Variants in CFAP47 observed in about 807,000 individuals in gnomAD.
CFAP47 encodes cilia and flagella associated protein 47.
CFAP47 carries 29 observed loss-of-function variants against 148.1 expected under a neutral mutation model. The ratio of observed to expected loss-of-function variants is 0.20; its 90% CI spans 0.15 to 0.27. The LOEUF is 0.27. CFAP47 is among the 10% of genes least tolerant of loss of function. The pLI is 1.00. For synonymous variants in CFAP47, 664 were observed against 577.3 expected (o/e 1.15, Z -2.15); for missense variants, 1,872 against 1,697.5 (o/e 1.10, Z -1.81).
At chrX:35,962,218 A>AC in intron 8 of CFAP47, among the ~76,000 whole-genome samples, 1 of 112,074 alleles carries the variant, frequency 8.9e-6, no homozygotes, top group African/African-American at 3.2e-5. Context: ...ATTGAGGCTT[A>AC]TTTCACAGAC....
At chrX:36,250,279 G>T (rs1940675431) in intron 48 of CFAP47, among the ~76,000 whole-genome samples, 1 of 111,188 alleles carries the variant, frequency 9.0e-6, no homozygotes, top group Admixed American at 9.6e-5. Context: ...GAACCTGGAA[G>T]CCATTATGTT....
chrX:36,111,267 G>T (rs1193631740), intron 33 of CFAP47, among the ~76,000 whole-genome samples: 2 of 111,524 alleles, frequency 1.8e-5, no homozygotes, highest in East Asian at 2.8e-4. Context: ...CTATTTTGAG[G>T]TATGTTCCTT....
chrX:36,205,940 G>T (rs1555988739), intron 45 of CFAP47, among the ~76,000 whole-genome samples: 1 of 111,415 alleles, frequency 9.0e-6, no homozygotes, highest in African/African-American at 3.3e-5. Flanking sequence ...CAAAATATTT[G>T]TAAGCCTGAA....
chrX:35,958,980 G>A (rs1033047187), intron 8 of CFAP47, among the ~76,000 whole-genome samples: 6 of 111,658 alleles, frequency 5.4e-5, no homozygotes, highest in African/African-American at 2.0e-4. Flanking sequence ...GAAGGTGGAA[G>A]GGGGTGGGGT....
chrX:35,958,284 GGGACATTTGGGTTGT>G (rs1287894233), intron 8 of CFAP47, among the ~76,000 whole-genome samples: 3 of 111,437 alleles, frequency 2.7e-5, no homozygotes, highest in Non-Finnish European at 5.7e-5. Context: ...CATCAATTGA[GGGACATTTGGGTTGT>G]TTCCACCTTT....
intron 2 of CFAP47, among the ~76,000 whole-genome samples, chrX:35,933,788 C>G (rs1935868005): frequency 8.9e-6 from 1 of 111,875 alleles, no homozygotes; most frequent in South Asian, 3.7e-4. Flanking sequence ...GATGATATCT[C>G]ATTGTAGTTT....
intron 42 of CFAP47, among the ~76,000 whole-genome samples, chrX:36,193,231 G>T (rs2146877233): frequency 9.0e-6 from 1 of 111,617 alleles, no homozygotes; most frequent in South Asian, 3.7e-4. Flanking sequence ...CAATTATAAT[G>T]AATGTTTATA....
chrX:36,115,974 C>T (rs1371883452), intron 33 of CFAP47, among the ~76,000 whole-genome samples: 1 of 112,099 alleles, frequency 8.9e-6, no homozygotes, highest in Non-Finnish European at 1.9e-5. Flanking sequence ...CTCTTTCTCT[C>T]TCCTATCAAG....
At chrX:36,195,548 T>C (rs1314415823) in intron 42 of CFAP47, among the ~76,000 whole-genome samples, 3 of 111,806 alleles carry the variant, frequency 2.7e-5, no homozygotes, top group Non-Finnish European at 5.7e-5. Flanking sequence ...TTAGAAAGCA[T>C]CTTTGATGCC....
At chrX:35,921,743 ATAAAG>A (rs367924680) in intron 1 of CFAP47, among the ~76,000 whole-genome samples, 26 of 111,349 alleles carry the variant, frequency 2.3e-4, no homozygotes, top group African/African-American at 8.5e-4. Context: ...CTGATCCTTC[ATAAAG>A]GGAATTAGAT....
In CFAP47 at chrX:36,223,255, T is replaced by C. The variant is rs191391436; in HGVS notation, c.6818-5373T>C. ...TTTCCCAGTCTCAGGTATTTCTTTA[T>C]AGCAATGCGAGAATGGCCTAAGAGA... On this transcript the variant is annotated intron_variant, in intron 45 of 63. Transcript: ENST00000378653. 2.7e-5 allele frequency among the ~76,000 whole-genome samples: 3 copies of C among 110,772 alleles called. No homozygotes were observed. In the East Asian group the frequency reaches 8.5e-4, roughly 32 times the overall value.
chrX:36,035,123 T>C (rs1011010260), intron 23 of CFAP47, among the ~76,000 whole-genome samples: 38 of 111,231 alleles, frequency 3.4e-4, no homozygotes, highest in African/African-American at 1.1e-3. Context: ...TCTCATTTTT[T>C]ACACTTCATT....
chrX:36,286,010 T>C (rs1602090920), intron 51 of CFAP47, among the ~76,000 whole-genome samples: 2 of 111,666 alleles, frequency 1.8e-5, no homozygotes, highest in Admixed American at 1.9e-4. Flanking sequence ...TCTACATGTT[T>C]GTTCACACAT....
chrX:35,980,534 A>G lies in CFAP47; in HGVS notation c.2713+4621A>G, dbSNP rs1053860742. Among the ~76,000 whole-genome samples the G allele has an allele frequency of 4.5e-5, 5 of 112,020 alleles. No homozygotes were observed. The East Asian group carries it at 1.1e-3, about 25-fold the overall frequency. On this transcript the variant is annotated intron_variant, in intron 15 of 63. Coordinates refer to ENST00000378653, the MANE Select transcript of CFAP47 (RefSeq NM_001304548.2). ...TTGTCTTTCTGCAGAATTCCTGATC[A>G]TCTTTCATGTCACAATTCACATGCC...
intron 35 of CFAP47, among the ~76,000 whole-genome samples, chrX:36,140,409 T>C (rs771260465): frequency 6.3e-5 from 7 of 111,639 alleles, no homozygotes; most frequent in Non-Finnish European, 1.3e-4. Flanking sequence ...TCCTCACATA[T>C]GTTGGCTCAA....
At chrX:35,946,658 T>C (rs912969938) in intron 3 of CFAP47, among the ~76,000 whole-genome samples, 3 of 112,556 alleles carry the variant, frequency 2.7e-5, no homozygotes, top group African/African-American at 6.5e-5. Flanking sequence ...TCATTACTTT[T>C]ATTGTGCTAA....
chrX:35,972,501 T>G lies in CFAP47; in HGVS notation c.2254+536T>G, dbSNP rs139633790. On this transcript the variant is annotated intron_variant, in intron 13 of 63. Coordinates refer to ENST00000378653, the MANE Select transcript of CFAP47 (RefSeq NM_001304548.2). Reference sequence around the variant, plus strand: ...CCAGCCTTGGTCTCCCCAAATGCTGTGATTACAGAGTGTGAGCCACCGCAC... The same window carrying G: ...CCAGCCTTGGTCTCCCCAAATGCTGGGATTACAGAGTGTGAGCCACCGCAC... Among the ~76,000 whole-genome samples the G allele has an allele frequency of 5.8e-3, 652 of 111,484 alleles. 7 individuals are homozygous for G. Among genetic ancestry groups the G allele is most frequent in the African/African-American group, 0.02 (624 of 30,673 alleles).
At chrX:36,333,220 CT>C (rs11317977) in intron 57 of CFAP47, among the ~76,000 whole-genome samples, 12,610 of 109,029 alleles carry the variant, frequency 0.12, 592 homozygotes, top group East Asian at 0.26. Flanking sequence ...ATACATCTAC[CT>C]TTTTTTTTAC....
chrX:36,111,651 C>A (rs929245971), intron 33 of CFAP47, among the ~76,000 whole-genome samples: 1 of 111,536 alleles, frequency 9.0e-6, no homozygotes, highest in African/African-American at 3.3e-5. Flanking sequence ...GGGCTTCCTT[C>A]TCAATTTTGG....
Sources: gnomAD v4.1 joint callset for allele counts (sites outside exome capture counted in the v4.1 genomes callset) on GRCh38, gnomAD v4.1.1 for gene constraint, MANE v1.5 for transcripts, NCBI Gene and HGNC (gene_info 2026-07-23, HGNC 2026-07-21) for gene names.